Variants in ASPH observed in about 807,000 individuals in gnomAD.
ASPH encodes aspartyl/asparaginyl beta-hydroxylase.
ASPH carries 100 observed loss-of-function variants against 118.4 expected under a neutral mutation model. That is an observed-to-expected ratio of 0.84 (90% CI 0.72 to 1.00). ASPH has a LOEUF of 1.00. ASPH is among the 50% of genes least tolerant of loss of function. The pLI is 0.00. For synonymous variants in ASPH, 315 were observed against 325.6 expected, an observed-to-expected ratio of 0.97 and a Z score of 0.35; for missense variants, 920 against 919.5, an observed-to-expected ratio of 1.00 and a Z score of -0.01.
intron 5 of ASPH, among the ~76,000 whole-genome samples, chr8:61,647,593 C>A (rs1197700609): frequency 6.6e-6 from 1 of 152,108 alleles, no homozygotes; most frequent in Non-Finnish European, 1.5e-5. Flanking sequence ...ATCGCTTGAA[C>A]CTGGGGGGCA....
chr8:61,598,805 A>G (rs1298496914), intron 14 of ASPH, among the ~76,000 whole-genome samples: 2 of 152,276 alleles, frequency 1.3e-5, no homozygotes, highest in African/African-American at 4.8e-5. Flanking sequence ...CTTCCAGAAC[A>G]CAATGAAATA....
intron 8 of ASPH, 127 bp downstream of exon 8, chr8:61,643,818 C>T: frequency 1.3e-6 from 1 of 763,166 alleles, no homozygotes; most frequent in Middle Eastern, 2.3e-4. Flanking sequence ...TCTGACCAAT[C>T]AAAAGTGATT....
intron 15 of ASPH, among the ~76,000 whole-genome samples, chr8:61,577,226 C>A (rs1418598086): frequency 1.3e-5 from 2 of 151,722 alleles, no homozygotes; most frequent in African/African-American, 2.4e-5. Context: ...ACCTAATGTA[C>A]ATGACGGGTG....
Position 61,517,597 on chromosome 8 carries a change from C to T in ASPH, c.2057G>A (p.Arg686Lys), listed in dbSNP as rs1484322349. Residue 686 changes from arginine (R) to lysine (K), a missense_variant, in exon 24 of 25, where the codon AGG (arginine) becomes AAG (lysine). Coordinates refer to ENST00000379454, the MANE Select transcript of ASPH (RefSeq NM_004318.4). The stretch of plus-strand genomic sequence containing the variant: ...CACCAAGCCCAGGTGCATTCGGAGC[C>T]TGCAGTTTGTGGGCCCTGTGTGCGG... Reference protein sequence around the residue: ...VWPHTGPTNCRLRMHLGLVIP... With the variant: ...VWPHTGPTNCKLRMHLGLVIP... The T allele has an allele frequency of 4.3e-6, 7 of 1,614,016 alleles. No homozygotes were observed. Among genetic ancestry groups the T allele is most frequent in the Non-Finnish European group, 5.9e-6 (7 of 1,179,996 alleles).
chr8:61,589,788 A>G (rs10108389), intron 14 of ASPH, among the ~76,000 whole-genome samples: 20 of 152,176 alleles, frequency 1.3e-4, no homozygotes, highest in Admixed American at 1.3e-3. Context: ...TCAGAATTCA[A>G]CGGGATCTTT....
At chr8:61,701,533 T>C (rs1056653249) in intron 1 of ASPH, among the ~76,000 whole-genome samples, 2 of 152,216 alleles carry the variant, frequency 1.3e-5, no homozygotes, top group African/African-American at 4.8e-5. Context: ...AATTTCATTT[T>C]AATAATGTTA....
chr8:61,646,213 C>T (rs1330754153), intron 6 of ASPH, among the ~76,000 whole-genome samples: 1 of 152,092 alleles, frequency 6.6e-6, no homozygotes, highest in Non-Finnish European at 1.5e-5. Context: ...CTACACTGAC[C>T]CACTTAGGAA....
At chr8:61,571,083 A>G (rs1431619005) in intron 16 of ASPH, among the ~76,000 whole-genome samples, 8 of 152,242 alleles carry the variant, frequency 5.3e-5, no homozygotes, top group Admixed American at 5.2e-4. Context: ...AATGAAAGTC[A>G]TAATTTCTTC....
At chr8:61,567,065 G>C (rs1292004275) in intron 17 of ASPH, 103 bp downstream of exon 17, 2 of 1,397,182 alleles carry the variant, frequency 1.4e-6, no homozygotes, top group Non-Finnish European at 1.9e-6. Flanking sequence ...TAAAACTCAG[G>C]TTTTCTCCCA....
At chr8:61,562,403 G>GTGTA (rs1830310688) in intron 18 of ASPH, among the ~76,000 whole-genome samples, 2 of 149,408 alleles carry the variant, frequency 1.3e-5, no homozygotes, top group African/African-American at 4.9e-5. Flanking sequence ...GTGTGTGTGT[G>GTGTA]TGTGTGTGTG....
At chr8:61,619,594 A>G (rs1023460037) in intron 13 of ASPH, among the ~76,000 whole-genome samples, 1 of 152,156 alleles carries the variant, frequency 6.6e-6, no homozygotes, top group Non-Finnish European at 1.5e-5. Context: ...CACTAAGTAA[A>G]TCACAGTCAG....
In ASPH at chr8:61,555,965, T is replaced by C; in HGVS notation, c.1495A>G (p.Lys499Glu). 6.2e-7 allele frequency: 1 copy of C among 1,614,068 alleles called. No homozygotes were observed. The highest frequency in any genetic ancestry group is 8.5e-7 in the Non-Finnish European group (1 of 1,180,000). The change falls in exon 19 of 25, where the codon AAG becomes GAG. Residue 499 changes from lysine to glutamate, a missense_variant. Coordinates refer to ENST00000379454, the MANE Select transcript of ASPH (RefSeq NM_004318.4). ...FAKVHYGFIL[K>E]AQNKIAESIP... ...CTCTCAGCAATTTTGTTCTGTGCCT[T>C]CAGGATGAAGCCATAATGGACTTTA...
chr8:61,574,896 G>A (rs1834625795), intron 16 of ASPH, among the ~76,000 whole-genome samples: 1 of 151,986 alleles, frequency 6.6e-6, no homozygotes, highest in Non-Finnish European at 1.5e-5. Flanking sequence ...CCCTCCCATG[G>A]CTTCTCAGCA....
intron 14 of ASPH, among the ~76,000 whole-genome samples, chr8:61,591,050 T>TC (rs1563940532): frequency 6.6e-6 from 1 of 152,014 alleles, no homozygotes; most frequent in Non-Finnish European, 1.5e-5. Context: ...GCTCAAACTC[T>TC]CCCCCCTCAC....
At chr8:61,714,220 C>A in intron 1 of ASPH, 49 bp downstream of exon 1, 1 of 1,413,170 alleles carries the variant, frequency 7.1e-7, no homozygotes, top group Non-Finnish European at 9.2e-7. Context: ...CCAGCCGGCT[C>A]CCTACCCCGA....
chr8:61,611,701 C>A (rs1258583729), intron 14 of ASPH, among the ~76,000 whole-genome samples: 6 of 152,318 alleles, frequency 3.9e-5, no homozygotes, highest in Non-Finnish European at 2.9e-5. Flanking sequence ...AAGCAAGTCT[C>A]AAAATCTGAG....
At position 61,622,209 on chromosome 8, in the gene ASPH, G is replaced by T. The variant is rs535747946; in HGVS notation, c.935-3190C>A. The stretch of plus-strand genomic sequence containing the variant: ...AAAAATTAGCTGGGCGTGGTGGCAC[G>T]TGCCTGTAGTCCCAGCTACTCGGTA... On this transcript the variant is annotated intron_variant, in intron 13 of 24. Coordinates refer to ENST00000379454, the MANE Select transcript of ASPH (RefSeq NM_004318.4). Among the ~76,000 whole-genome samples the T allele has an allele frequency of 5.9e-5, 9 of 152,210 alleles. No individual in the cohort carries two copies. The East Asian group carries it at 1.7e-3, about 29-fold the overall frequency.
intron 16 of ASPH, among the ~76,000 whole-genome samples, chr8:61,576,067 T>C (rs777909980): frequency 1.3e-5 from 2 of 152,200 alleles, no homozygotes; most frequent in African/African-American, 2.4e-5. Context: ...TGTAGCCCTG[T>C]TTGGCATGCT....
rs944183243 is a variant in ASPH at position 61,567,131 on chromosome 8, G to A, written c.1300+37C>T. 3.1e-6 allele frequency: 5 copies of A among 1,604,002 alleles called. No individual in the cohort carries two copies. The African/African-American group carries it at 6.7e-5, about 21-fold the overall frequency. On this transcript the variant is annotated intron_variant, in intron 17 of 24. Transcript: ENST00000379454. The stretch of plus-strand genomic sequence containing the variant: ...TCAGCTTCTTCAAGATAAAACATAT[G>A]CCATTTCCTACTGAATTACCTTTGA...
Sources: allele counts gnomAD v4.1 joint callset (sites outside exome capture counted in the v4.1 genomes callset), GRCh38; gene constraint gnomAD v4.1.1; transcripts MANE v1.5; gene names NCBI Gene and HGNC (gene_info 2026-07-23, HGNC 2026-07-21).